The following AUTS2 variants were observed in gnomAD, a reference collection of about 807,000 sequenced individuals.
AUTS2 encodes the protein activator of transcription and developmental regulator AUTS2.
In AUTS2, 17 loss-of-function variants were observed where a neutral mutation model predicts 112.4. The observed-to-expected ratio is 0.15, with a 90% CI of 0.10 to 0.23. AUTS2 has a LOEUF of 0.23. AUTS2 is among the 10% of genes least tolerant of loss of function. AUTS2 has a pLI of 1.00. For missense variants in AUTS2, 1,510 were observed against 1,701.6 expected, an observed-to-expected ratio of 0.89 and a Z score of 1.98; for synonymous variants, 751 against 702.7, an observed-to-expected ratio of 1.07 and a Z score of -1.09.
chr7:70,205,963 T>G (rs944189980), intron 4 of AUTS2, among the ~76,000 whole-genome samples: 1 of 152,338 alleles, frequency 6.6e-6, no homozygotes, highest in South Asian at 2.1e-4. Context: ...TATCTTGAAC[T>G]GAATGTATGC....
intron 1 of AUTS2, among the ~76,000 whole-genome samples, chr7:69,624,763 A>G (rs1793861403): frequency 6.6e-6 from 1 of 152,140 alleles, no homozygotes; most frequent in Non-Finnish European, 1.5e-5. Context: ...CCTGCTCTGA[A>G]TGGCTCTCCA....
At chr7:69,769,134 A>T (rs1029510073) in intron 1 of AUTS2, among the ~76,000 whole-genome samples, 3 of 152,250 alleles carry the variant, frequency 2.0e-5, no homozygotes, top group African/African-American at 7.2e-5. Context: ...CTTAAAATTG[A>T]TACATAGGCA....
chr7:70,351,614 A>G (rs1248879090), intron 4 of AUTS2, among the ~76,000 whole-genome samples: 1 of 152,208 alleles, frequency 6.6e-6, no homozygotes, highest in Non-Finnish European at 1.5e-5. Context: ...CACAATAGCT[A>G]TACCAACTTA....
chr7:70,790,729 C>T lies in AUTS2; in HGVS notation c.3513C>T (p.His1171=). 1 of 1,613,592 alleles carries T rather than the reference C, an allele frequency of 6.2e-7. No individual in the cohort carries two copies. The highest frequency in any genetic ancestry group is 8.5e-7 in the Non-Finnish European group (1 of 1,179,952). The change falls in exon 19 of 19, where the codon CAC becomes CAT. Residue 1171 remains histidine, a synonymous_variant. Coordinates refer to ENST00000342771, the MANE Select transcript of AUTS2 (RefSeq NM_015570.4). The surrounding 1 kb of genome is among the most constrained non-coding windows in gnomAD (Gnocchi z 7.6). Reference sequence around the variant, plus strand: ...AGCACACGCGGCTCCACTCCGTGCACCCCGCCTCCCTCGACGGACACCTCC... The same window carrying T: ...AGCACACGCGGCTCCACTCCGTGCATCCCGCCTCCCTCGACGGACACCTCC... The part of the protein sequence containing the change: ...DYEHTRLHSV[H]PASLDGHLPH...
intron 6 of AUTS2, among the ~76,000 whole-genome samples, chr7:70,727,567 C>T (rs1787112959): frequency 1.3e-5 from 2 of 152,120 alleles, no homozygotes; most frequent in South Asian, 4.2e-4. Flanking sequence ...AGGCTGGTCT[C>T]GAACTCCTGA....
In AUTS2 at chr7:70,174,751, A is replaced by G. The variant is rs147483470; in HGVS notation, c.660+40180A>G. Among the ~76,000 whole-genome samples, 377 of 152,318 alleles carry G rather than the reference A, an allele frequency of 2.5e-3. 1 individual carries two copies. The highest frequency in any genetic ancestry group is 8.3e-3 in the African/African-American group (345 of 41,572). On this transcript the variant is annotated intron_variant, in intron 4 of 18. Transcript: ENST00000342771. ...GGATGACAGCACATCTGTTTACGAC[A>G]TGGTTTACTAAATATTTTAAGCCCG...
intron 2 of AUTS2, among the ~76,000 whole-genome samples, chr7:70,038,967 C>T (rs577225801): frequency 1.3e-5 from 2 of 152,144 alleles, no homozygotes; most frequent in South Asian, 4.2e-4. Context: ...CTGTGTTGGT[C>T]AGGCTGGTCT....
intron 5 of AUTS2, among the ~76,000 whole-genome samples, chr7:70,567,306 T>C (rs1311677264): frequency 1.3e-5 from 2 of 152,198 alleles, no homozygotes; most frequent in African/African-American, 4.8e-5. Flanking sequence ...TTTCAAAACA[T>C]ACATTTGACT....
chr7:69,620,364 G>A (rs1793598340), intron 1 of AUTS2, among the ~76,000 whole-genome samples: 1 of 152,198 alleles, frequency 6.6e-6, no homozygotes, highest in Non-Finnish European at 1.5e-5. Context: ...AGGGAATTGG[G>A]CACTGATGAA....
chr7:69,960,935 C>T (rs1797406074), intron 2 of AUTS2, among the ~76,000 whole-genome samples: 1 of 151,982 alleles, frequency 6.6e-6, no homozygotes, highest in Admixed American at 6.6e-5. Context: ...AAGAGGAGGT[C>T]ATAAGTCATT....
chr7:70,544,665 T>C (rs924123140), intron 5 of AUTS2, among the ~76,000 whole-genome samples: 3 of 152,172 alleles, frequency 2.0e-5, no homozygotes, highest in Non-Finnish European at 4.4e-5. Context: ...ATTTTCAAGA[T>C]AATAAAAGGT....
rs192284448 is a variant in AUTS2 at position 70,306,149 on chromosome 7, G to A, written c.661-129603G>A. On this transcript the variant is annotated intron_variant, in intron 4 of 18. Coordinates refer to ENST00000342771, the MANE Select transcript of AUTS2 (RefSeq NM_015570.4). ...GTCCAAAGAACAAAGGAAAGATTGGGGGTTTTATTAGAAAGGGAAATGTTA... is the reference window on the plus strand; with the variant it reads ...GTCCAAAGAACAAAGGAAAGATTGGAGGTTTTATTAGAAAGGGAAATGTTA... Among the ~76,000 whole-genome samples, 62 of 152,302 alleles carry A rather than the reference G, an allele frequency of 4.1e-4. No individual in the cohort carries two copies. In the East Asian group the frequency reaches 0.011, roughly 27 times the overall value.
At chr7:69,622,356 G>A (rs1322652535) in intron 1 of AUTS2, among the ~76,000 whole-genome samples, 2 of 152,160 alleles carry the variant, frequency 1.3e-5, no homozygotes, top group Non-Finnish European at 2.9e-5. Flanking sequence ...TATCTAAAAC[G>A]AGGGAATATA....
At chr7:70,035,400 C>A (rs569556168) in intron 2 of AUTS2, among the ~76,000 whole-genome samples, 1 of 152,182 alleles carries the variant, frequency 6.6e-6, no homozygotes, top group Non-Finnish European at 1.5e-5. Context: ...TCACAGAATG[C>A]AGTTTTTCTT....
intron 4 of AUTS2, among the ~76,000 whole-genome samples, chr7:70,164,537 A>T (rs770477369): frequency 7.9e-5 from 12 of 152,170 alleles, no homozygotes; most frequent in African/African-American, 2.2e-4. Flanking sequence ...GGATTAAAAA[A>T]TTTTTTTGAT....
intron 1 of AUTS2, among the ~76,000 whole-genome samples, chr7:69,705,028 G>A (rs910304008): frequency 1.3e-5 from 2 of 152,014 alleles, no homozygotes; most frequent in African/African-American, 4.8e-5. Flanking sequence ...CACCATGCCC[G>A]GCTAATTTTT....
At chr7:70,747,317 A>G (rs1395215213) in intron 6 of AUTS2, among the ~76,000 whole-genome samples, 1 of 152,204 alleles carries the variant, frequency 6.6e-6, no homozygotes, top group Non-Finnish European at 1.5e-5. Context: ...CAGGATTATA[A>G]TTGTGAGTGG....
At chr7:69,838,909 C>G (rs371870397) in intron 1 of AUTS2, among the ~76,000 whole-genome samples, 12 of 152,140 alleles carry the variant, frequency 7.9e-5, no homozygotes, top group East Asian at 3.8e-4. Context: ...TAAACCCTGG[C>G]TCTAGTTAGG....
chr7:70,349,933 A>C (rs1239822181), intron 4 of AUTS2, among the ~76,000 whole-genome samples: 1 of 152,192 alleles, frequency 6.6e-6, no homozygotes, highest in Non-Finnish European at 1.5e-5. Context: ...ACCAAATATG[A>C]AATAGTATCA....
Sources: allele counts gnomAD v4.1 joint callset (sites outside exome capture counted in the v4.1 genomes callset), GRCh38; gene constraint gnomAD v4.1.1; non-coding constraint Gnocchi (gnomAD v3.1); transcripts MANE v1.5; gene names NCBI Gene and HGNC (gene_info 2026-07-23, HGNC 2026-07-21).